SIAH3: variants seen among roughly 807,000 people sequenced by gnomAD.
SIAH3 encodes the protein siah E3 ubiquitin protein ligase family member 3, also known as seven in absentia homolog 3.
In SIAH3, 9 loss-of-function variants were observed where a neutral mutation model predicts 12.6. The ratio of observed to expected loss-of-function variants is 0.72; its 90% confidence interval spans 0.43 to 1.25. The LOEUF is 1.25. Among genes scored for constraint, SIAH3 ranks in the 50% most tolerant of loss-of-function variants. The pLI is 0.00. For synonymous variants in SIAH3, 154 were observed against 151.1 expected (o/e 1.02, Z -0.14); for missense variants, 390 against 365.4 (o/e 1.07, Z -0.55).
chr13:45,843,267 A>G (rs75236182), intron 1 of SIAH3, among the ~76,000 whole-genome samples: 1,780 of 152,156 alleles, frequency 0.012, 30 homozygotes, highest in African/African-American at 0.04. Context: ...ACTGCAGGGC[A>G]GAGAGAAAAT....
At chr13:45,785,601 A>G (rs749144562) in intron 1 of SIAH3, among the ~76,000 whole-genome samples, 2 of 152,238 alleles carry the variant, frequency 1.3e-5, no homozygotes, top group African/African-American at 2.4e-5. Context: ...TGACACATAC[A>G]TGTGCACACA....
At chr13:45,797,134 G>C (rs1355209151) in intron 1 of SIAH3, among the ~76,000 whole-genome samples, 1 of 136,838 alleles carries the variant, frequency 7.3e-6, no homozygotes, top group African/African-American at 2.9e-5. Flanking sequence ...AATTCAAATC[G>C]TCTCTATGCA....
At chr13:45,837,751 GTA>G (rs1453817197) in intron 1 of SIAH3, among the ~76,000 whole-genome samples, 1 of 152,178 alleles carries the variant, frequency 6.6e-6, no homozygotes, top group East Asian at 1.9e-4. Context: ...CACATTGTAT[GTA>G]TTATTACAGG....
Position 45,782,520 on chromosome 13 carries a change from G to A in SIAH3, c.*863C>T, listed in dbSNP as rs1950508357. 6.6e-6 allele frequency: 1 copy of A among 152,220 alleles called. No homozygotes were observed. The highest frequency in any genetic ancestry group is 1.5e-5 in the Non-Finnish European group (1 of 68,040). The allele number at this position is 152,220 out of a possible 1,614,324, so 9.4% of individuals were successfully genotyped here. On this transcript the variant is annotated 3_prime_UTR_variant, in exon 2 of 2. Transcript: ENST00000400405. ...TCTGAGGAGGGAGTGCCCTCTCAGAGATGGGAGATTAATTTTATGTTCTCT... is the reference window on the plus strand; with the variant it reads ...TCTGAGGAGGGAGTGCCCTCTCAGAAATGGGAGATTAATTTTATGTTCTCT...
chr13:45,831,396 G>T (rs1000337648), intron 1 of SIAH3, among the ~76,000 whole-genome samples: 3 of 151,982 alleles, frequency 2.0e-5, no homozygotes, highest in Admixed American at 6.6e-5. Flanking sequence ...GCAGAAGGGG[G>T]TCATGCGCAA....
chr13:45,845,427 G>A (rs1474333411), intron 1 of SIAH3, among the ~76,000 whole-genome samples: 2 of 152,128 alleles, frequency 1.3e-5, no homozygotes, highest in Non-Finnish European at 2.9e-5. Flanking sequence ...GATTTAAGTT[G>A]TCCATCACGG....
intron 1 of SIAH3, among the ~76,000 whole-genome samples, chr13:45,828,292 T>C (rs1950685974): frequency 6.6e-6 from 1 of 152,200 alleles, no homozygotes; most frequent in African/African-American, 2.4e-5. Flanking sequence ...AAGTTCATGG[T>C]CCTGATGCCT....
At chr13:45,843,030 C>CTGTGTGTG (rs1236849648) in intron 1 of SIAH3, among the ~76,000 whole-genome samples, 18 of 64,474 alleles carry the variant, frequency 2.8e-4, no homozygotes, top group African/African-American at 8.4e-4. Context: ...CTCTCTCTCT[C>CTGTGTGTG]TCTCTGTGTG....
intron 1 of SIAH3, among the ~76,000 whole-genome samples, chr13:45,831,179 AAAATAAAT>A (rs200362215): frequency 0.022 from 3,083 of 142,622 alleles, 61 homozygotes; most frequent in African/African-American, 0.053. Context: ...ACTGTGCCTC[AAAATAAAT>A]AAATAAATAA....
At chr13:45,823,247 C>A (rs557714784) in intron 1 of SIAH3, among the ~76,000 whole-genome samples, 2 of 152,154 alleles carry the variant, frequency 1.3e-5, no homozygotes, top group Non-Finnish European at 2.9e-5. Flanking sequence ...CCTGGCCCAA[C>A]CCTAGAGTGC....
chr13:45,786,806 C>A (rs1226003005), intron 1 of SIAH3, among the ~76,000 whole-genome samples: 2 of 152,158 alleles, frequency 1.3e-5, no homozygotes, highest in Non-Finnish European at 2.9e-5. Context: ...CCTGGAGAAC[C>A]CAGCCTCACA....
chr13:45,816,425 T>C (rs941517924), intron 1 of SIAH3, among the ~76,000 whole-genome samples: 4 of 152,258 alleles, frequency 2.6e-5, no homozygotes, highest in African/African-American at 9.6e-5. Context: ...AGGGTGTTTA[T>C]AGCCACTTAT....
rs1205404899 is a variant in SIAH3 at position 45,781,845 on chromosome 13, A to C, written c.*1538T>G. The C allele has an allele frequency of 6.6e-6, 1 of 152,226 alleles. No individual in the cohort carries two copies. The highest frequency in any genetic ancestry group is 1.5e-5 in the Non-Finnish European group (1 of 68,066). The allele number at this position is 152,226 out of a possible 1,614,324, so 9.4% of individuals were successfully genotyped here. A position where few individuals can be genotyped will look rare whatever the true frequency, so the allele number is the denominator to read the frequency against. ...AGCCAGGGCAACCTGCCTGAGACTA[A>C]GTAGTCACTTGGATGCCTGCCAGGA... On this transcript the variant is annotated 3_prime_UTR_variant, in exon 2 of 2. Coordinates refer to ENST00000400405, the MANE Select transcript of SIAH3 (RefSeq NM_198849.3).
chr13:45,848,983 G>T (rs981854072), intron 1 of SIAH3, among the ~76,000 whole-genome samples: 1 of 152,198 alleles, frequency 6.6e-6, no homozygotes, highest in Non-Finnish European at 1.5e-5. Context: ...GGAAATCAGC[G>T]TTTAGAAGGA....
Position 45,783,951 on chromosome 13 carries a change from AGGT to A in SIAH3, c.239_241del (p.His80del), listed in dbSNP as rs745715345. 14 of 1,601,218 alleles carry A rather than the reference AGGT, an allele frequency of 8.7e-6. No individual in the cohort carries two copies. The highest frequency in any genetic ancestry group is 2.2e-5 in the South Asian group (2 of 88,992). ...GTGGTGGGGGTGGGCGTGGTGGCGG[AGGT>A]GGTGGTGGTGGCGGTGGTGGCAGTG... On this transcript the variant is annotated inframe_deletion, in exon 2 of 2. Transcript: ENST00000400405.
chr13:45,848,892 T>C (rs1364401308), intron 1 of SIAH3, among the ~76,000 whole-genome samples: 1 of 152,228 alleles, frequency 6.6e-6, no homozygotes, highest in African/African-American at 2.4e-5. Context: ...ATTTTTTTCC[T>C]TTAACAAAAG....
intron 1 of SIAH3, among the ~76,000 whole-genome samples, chr13:45,839,017 G>A (rs115638414): frequency 0.011 from 1,627 of 152,148 alleles, 33 homozygotes; most frequent in African/African-American, 0.038. Context: ...TAGAAGCCGA[G>A]TTAAATTAGG....
chr13:45,779,274 T>A lies in SIAH3; in HGVS notation c.*4109A>T, dbSNP rs1950495240. 6.6e-6 allele frequency: 1 copy of A among 152,228 alleles called. No homozygotes were observed. The highest frequency in any genetic ancestry group is 1.5e-5 in the Non-Finnish European group (1 of 68,046). 9.4% of individuals were successfully genotyped at this position (152,228 alleles called of 1,614,324 possible). On this transcript the variant is annotated 3_prime_UTR_variant, in exon 2 of 2. Transcript: ENST00000400405. ...ACCTTTGCTTTAAATATAATTTATT[T>A]AATTGTAAATGTATATCATTTTTAA... is the stretch of plus-strand genomic sequence containing the variant.
intron 1 of SIAH3, among the ~76,000 whole-genome samples, chr13:45,784,409 T>TG (rs1950519326): frequency 6.6e-6 from 1 of 150,770 alleles, no homozygotes; most frequent in Non-Finnish European, 1.5e-5. Context: ...TTTTTTTTTT[T>TG]TTTTTTTTTT....
Sources: allele counts gnomAD v4.1 joint callset (sites outside exome capture counted in the v4.1 genomes callset), GRCh38; gene constraint gnomAD v4.1.1; transcripts MANE v1.5; gene names NCBI Gene and HGNC (gene_info 2026-07-23, HGNC 2026-07-21).